Variants in ADGRB3 observed in about 807,000 individuals in gnomAD.
ADGRB3 encodes the protein brain-specific angiogenesis inhibitor 3.
A neutral mutation model predicts 193.4 loss-of-function variants in ADGRB3; 37 were observed. The observed-to-expected ratio is 0.19, with a 90% CI of 0.15 to 0.25. The LOEUF is 0.25. Among genes scored for constraint, ADGRB3 ranks in the 10% least tolerant of loss-of-function variants. ADGRB3 has a pLI of 1.00. For synonymous variants in ADGRB3, 690 were observed against 644.2 expected, an observed-to-expected ratio of 1.07 and a Z score of -1.08; for missense variants, 1,637 against 1,852.9, an observed-to-expected ratio of 0.88 and a Z score of 2.14.
At chr6:68,813,543 G>A (rs1767561221) in intron 3 of ADGRB3, among the ~76,000 whole-genome samples, 1 of 151,476 alleles carries the variant, frequency 6.6e-6, no homozygotes, top group Non-Finnish European at 1.5e-5. Flanking sequence ...AAAGGAATTT[G>A]ACTTATTATG....
chr6:69,165,457 C>G (rs954560398), intron 17 of ADGRB3, among the ~76,000 whole-genome samples: 18 of 151,748 alleles, frequency 1.2e-4, no homozygotes, highest in African/African-American at 3.9e-4. Flanking sequence ...TTTACTTCCA[C>G]AAACACACCA....
At chr6:68,889,257 CA>C (rs1303586409) in intron 3 of ADGRB3, among the ~76,000 whole-genome samples, 3 of 152,182 alleles carry the variant, frequency 2.0e-5, no homozygotes, top group Non-Finnish European at 4.4e-5. Context: ...TCATTTAATT[CA>C]GCATTTTGTT....
chr6:68,784,293 C>T (rs1431677999), intron 3 of ADGRB3, among the ~76,000 whole-genome samples: 2 of 152,066 alleles, frequency 1.3e-5, no homozygotes, highest in Non-Finnish European at 2.9e-5. Context: ...GTGCAAACCA[C>T]TGTTACTTTT....
At chr6:69,213,848 T>C (rs536138120) in intron 17 of ADGRB3, among the ~76,000 whole-genome samples, 18 of 152,308 alleles carry the variant, frequency 1.2e-4, no homozygotes, top group African/African-American at 3.8e-4. Flanking sequence ...ATTCCAAGTT[T>C]GTACCTCCTT....
intron 3 of ADGRB3, among the ~76,000 whole-genome samples, chr6:68,868,958 CTT>C (rs1765386245): frequency 9.3e-6 from 1 of 107,958 alleles, no homozygotes; most frequent in Non-Finnish European, 2.0e-5. Context: ...TGTGTTTAAA[CTT>C]AATCTTAGCA....
At chr6:69,047,642 T>TA (rs1419544871) in intron 13 of ADGRB3, among the ~76,000 whole-genome samples, 1 of 152,190 alleles carries the variant, frequency 6.6e-6, no homozygotes. Context: ...TTGGTACCTT[T>TA]ATTATATAGA....
chr6:68,893,238 T>C (rs1766128636), intron 3 of ADGRB3, among the ~76,000 whole-genome samples: 1 of 152,094 alleles, frequency 6.6e-6, no homozygotes. Context: ...AAAATAGTTG[T>C]TTATTTTCAT....
intron 12 of ADGRB3, among the ~76,000 whole-genome samples, chr6:69,017,631 T>C (rs187681539): frequency 3.3e-5 from 5 of 152,020 alleles, no homozygotes; most frequent in African/African-American, 9.6e-5. Flanking sequence ...TGGAGGCAGA[T>C]GGTCCTCTAG....
At chr6:69,353,660 T>C (rs541274872) in intron 26 of ADGRB3, among the ~76,000 whole-genome samples, 87 of 152,354 alleles carry the variant, frequency 5.7e-4, no homozygotes, top group African/African-American at 2.0e-3. Flanking sequence ...GAGCCAGATA[T>C]AGCTATTTTG....
rs113502847 is a variant in ADGRB3 at position 69,146,023 on chromosome 6, T to G, written c.2480+69985T>G. On this transcript the variant is annotated intron_variant, in intron 17 of 31. Coordinates refer to ENST00000370598, the MANE Select transcript of ADGRB3 (RefSeq NM_001704.3). ...GGATTACCAGCCCAGCCTCCAGGCTTTAGGCCTTCCCCAGCTTGAAAGTAG... is the reference window on the plus strand; with the variant it reads ...GGATTACCAGCCCAGCCTCCAGGCTGTAGGCCTTCCCCAGCTTGAAAGTAG... 3.5e-3 allele frequency among the ~76,000 whole-genome samples: 531 copies of G among 152,260 alleles called. 5 individuals are homozygous for G. Among genetic ancestry groups the G allele is most frequent in the Non-Finnish European group, 6.4e-3 (437 of 67,998 alleles).
In ADGRB3 at chr6:68,839,783, T is replaced by C. The variant is rs184754729; in HGVS notation, c.758-90776T>C. ...ATAGTACCTGGTTTTAAGTTCATAT[T>C]ACTGAAAAAGGCACTGAAGACAGCA... is the stretch of plus-strand genomic sequence containing the variant. On this transcript the variant is annotated intron_variant, in intron 3 of 31. Transcript: ENST00000370598. 3.1e-3 allele frequency among the ~76,000 whole-genome samples: 469 copies of C among 152,286 alleles called. 8 individuals carry two copies. The highest frequency in any genetic ancestry group is 2.2e-3 in the Non-Finnish European group (149 of 68,032).
In ADGRB3 at chr6:68,877,994, T is replaced by C. The variant is rs554494807; in HGVS notation, c.758-52565T>C. The stretch of plus-strand genomic sequence containing the variant: ...ATATAATCAAGGCTAGAATCTATTA[T>C]GTTTAATGGAATATGAGTGCTTAAC... On this transcript the variant is annotated intron_variant, in intron 3 of 31. Coordinates refer to ENST00000370598, the MANE Select transcript of ADGRB3 (RefSeq NM_001704.3). Among the ~76,000 whole-genome samples, 9 of 152,256 alleles carry C rather than the reference T, an allele frequency of 5.9e-5. No homozygotes were observed. In the South Asian group the frequency reaches 6.2e-4, roughly 11 times the overall value.
intron 17 of ADGRB3, among the ~76,000 whole-genome samples, chr6:69,088,290 A>T (rs1008758993): frequency 9.3e-5 from 14 of 150,996 alleles, no homozygotes; most frequent in Non-Finnish European, 8.8e-5. Context: ...AATATACGTT[A>T]AAAAAAACAC....
intron 20 of ADGRB3, among the ~76,000 whole-genome samples, chr6:69,281,281 C>G (rs562537865): frequency 6.6e-6 from 1 of 152,116 alleles, no homozygotes; most frequent in Non-Finnish European, 1.5e-5. Flanking sequence ...AGGCTCTTGC[C>G]CACATTTATT....
At chr6:69,089,309 A>G (rs1393082246) in intron 17 of ADGRB3, among the ~76,000 whole-genome samples, 2 of 152,222 alleles carry the variant, frequency 1.3e-5, no homozygotes, top group Non-Finnish European at 2.9e-5. Flanking sequence ...CCTACTTTGA[A>G]CACAGGCATA....
chr6:69,353,593 C>CA (rs1202144476), intron 26 of ADGRB3, among the ~76,000 whole-genome samples: 1 of 152,206 alleles, frequency 6.6e-6, no homozygotes, highest in Non-Finnish European at 1.5e-5. Flanking sequence ...TTAAAAGACA[C>CA]ACATATTACG....
At chr6:69,053,043 G>A (rs62416781) in intron 15 of ADGRB3, among the ~76,000 whole-genome samples, 11,513 of 152,082 alleles carry the variant, frequency 0.076, 536 homozygotes, top group African/African-American at 0.13. Flanking sequence ...AAAATTAGCC[G>A]TGCATGGTGG....
intron 3 of ADGRB3, among the ~76,000 whole-genome samples, chr6:68,887,074 C>T (rs35894348): frequency 0.79 from 117,334 of 149,400 alleles, 46,620 homozygotes; most frequent in Middle Eastern, 0.85. Flanking sequence ...TATATATACA[C>T]ACACACACAC....
chr6:68,913,595 A>T (rs1274108638), intron 3 of ADGRB3, among the ~76,000 whole-genome samples: 1 of 152,212 alleles, frequency 6.6e-6, no homozygotes, highest in African/African-American at 2.4e-5. Flanking sequence ...GATGGGGAAA[A>T]AACAGAGCAG....
Sources: gnomAD v4.1 joint callset for allele counts (sites outside exome capture counted in the v4.1 genomes callset) on GRCh38, gnomAD v4.1.1 for gene constraint, MANE v1.5 for transcripts, NCBI Gene and HGNC (gene_info 2026-07-23, HGNC 2026-07-21) for gene names.